Variants in CTF1 observed in about 807,000 individuals in gnomAD.
CTF1 encodes the protein cardiotrophin-1.
In CTF1, 9 loss-of-function variants were observed where a neutral mutation model predicts 10.9. That is an observed-to-expected ratio of 0.83 (90% CI 0.50 to 1.44). CTF1 has a LOEUF of 1.44. CTF1 is among the 40% of genes most tolerant of loss of function. CTF1 has a pLI of 0.00. For missense variants in CTF1, 259 were observed against 275.3 expected (o/e 0.94, Z 0.42); for synonymous variants, 133 against 138.8 (o/e 0.96, Z 0.29).
rs1596639693 is a variant in CTF1 at position 30,902,332 on chromosome 16, C to T, written c.399C>T (p.Gly133=). 8.6e-6 allele frequency: 9 copies of T among 1,044,152 alleles called. No homozygotes were observed. The South Asian group carries it at 3.5e-4, about 41-fold the overall frequency. The allele number at this position is 1,044,152 out of a possible 1,614,324, so 64.7% of individuals were successfully genotyped here. The part of the protein sequence containing the change: ...EDAARQARAL[G]AAVEALLAAL... Reference sequence around the variant, plus strand: ...CGGCGCGCCAGGCCCGGGCCCTGGGCGCCGCCGTGGAGGCCTTGCTGGCCG... The same window carrying T: ...CGGCGCGCCAGGCCCGGGCCCTGGGTGCCGCCGTGGAGGCCTTGCTGGCCG... Residue 133 remains glycine (G), a synonymous_variant, in exon 3 of 3, where the codon GGC becomes GGT. Coordinates refer to ENST00000279804, the MANE Select transcript of CTF1 (RefSeq NM_001330.5).
At chr16:30,899,307 T>C (rs971818604) in intron 1 of CTF1, 108 bp from the exon 2 acceptor site, 5 of 807,666 alleles carry the variant, frequency 6.2e-6, no homozygotes, top group South Asian at 1.3e-5. Context: ...TTTCCTTCAG[T>C]TGGAATGGGA....
chr16:30,902,698 G>C lies in CTF1; in HGVS notation c.*159G>C. ...TTTTGTGGGGGAGAGGGGAGGGGAC[G>C]GGCAGGGTCTCTGTCGCCCAGGCTG... is the stretch of plus-strand genomic sequence containing the variant. On this transcript the variant is annotated 3_prime_UTR_variant, in exon 3 of 3. Transcript: ENST00000279804. 8.7e-7 allele frequency: 1 copy of C among 1,148,838 alleles called. No homozygotes were observed. Among genetic ancestry groups the C allele is most frequent in the South Asian group, 2.1e-5 (1 of 46,670 alleles). The allele number at this position is 1,148,838 out of a possible 1,614,324, so 71.2% of individuals were successfully genotyped here. A position where few individuals can be genotyped will look rare whatever the true frequency, so the allele number is the denominator to read the frequency against.
At chr16:30,896,475 A>C, upstream of CTF1, 1 of 577,428 alleles carries the variant, frequency 1.7e-6, no homozygotes, top group Non-Finnish European at 2.6e-6. Flanking sequence ...CCCACGGACG[A>C]GGAGCTGAGC....
At chr16:30,898,152 C>A (rs962257652) in intron 1 of CTF1, among the ~76,000 whole-genome samples, 7 of 150,700 alleles carry the variant, frequency 4.6e-5, no homozygotes, top group Non-Finnish European at 7.4e-5. Context: ...TGAGCCACTG[C>A]GCCTGGACAA....
Position 30,902,109 on chromosome 16 carries a change from C to T in CTF1, c.176C>T (p.Pro59Leu). The T allele has an allele frequency of 7.0e-7, 1 of 1,418,750 alleles. No individual in the cohort carries two copies. Among genetic ancestry groups the T allele is most frequent in the Non-Finnish European group, 9.2e-7 (1 of 1,083,116 alleles). 87.9% of individuals were successfully genotyped at this position (1,418,750 alleles called of 1,614,324 possible). The change falls in exon 3 of 3, where the codon CCC becomes CTC. Residue 59 changes from proline (P) to leucine (L), a missense_variant. Physicochemically the swap from Pro to Leu is moderately conservative, Grantham distance 98. Transcript: ENST00000279804. ...VQLQGDPFGL[P>L]SFSPPRLPVA... The stretch of plus-strand genomic sequence containing the variant: ...CTCCAGGGAGACCCCTTCGGGCTGC[C>T]CAGCTTCTCGCCGCCGCGGCTGCCG...
In CTF1 at chr16:30,902,433, T is replaced by C; in HGVS notation, c.500T>C (p.Val167Ala). Residue 167 changes from valine to alanine, a missense_variant, in exon 3 of 3, where the codon GTC becomes GCC. Coordinates refer to ENST00000279804, the MANE Select transcript of CTF1 (RefSeq NM_001330.5). ...GCCTCAGCCGCCTCCGCCACCGGGG[T>C]CTTCCCCGCCAAGGTGCTGGGGCTC... ...ATASAASATG[V>A]FPAKVLGLRV... 7.1e-7 allele frequency: 1 copy of C among 1,410,374 alleles called. No individual in the cohort carries two copies. 87.4% of individuals were successfully genotyped at this position (1,410,374 alleles called of 1,614,324 possible).
rs1259362467 is a variant in CTF1 at position 30,902,582 on chromosome 16, G to A, written c.*43G>A. On this transcript the variant is annotated 3_prime_UTR_variant, in exon 3 of 3. Transcript: ENST00000279804. ...GCCCCGCCTCCTCCCGCTGGGTTCC[G>A]TCTCTCCTTCCGCTTCTTTGTCTTT... 9 of 1,480,924 alleles carry A rather than the reference G, an allele frequency of 6.1e-6. No homozygotes were observed. Among genetic ancestry groups the A allele is most frequent in the East Asian group, 2.8e-5 (1 of 35,816 alleles). 91.7% of individuals were successfully genotyped at this position (1,480,924 alleles called of 1,614,324 possible).
rs1266934520 is a variant in CTF1, at chr16:30,902,356, C to T, written c.423C>T (p.Ala141=). 3.5e-6 allele frequency: 4 copies of T among 1,153,672 alleles called. No individual in the cohort carries two copies. The highest frequency in any genetic ancestry group is 4.3e-6 in the Non-Finnish European group (4 of 940,888). The allele number at this position is 1,153,672 out of a possible 1,614,324, so 71.5% of individuals were successfully genotyped here. The change falls in exon 3 of 3, where the codon GCC becomes GCT. Residue 141 remains alanine (A), a synonymous_variant. Coordinates refer to ENST00000279804, the MANE Select transcript of CTF1 (RefSeq NM_001330.5). ...GCGCCGCCGTGGAGGCCTTGCTGGCCGCGCTGGGCGCCGCCAACCGCGGGC... is the reference window on the plus strand; with the variant it reads ...GCGCCGCCGTGGAGGCCTTGCTGGCTGCGCTGGGCGCCGCCAACCGCGGGC... The part of the protein sequence containing the change: ...ALGAAVEALL[A]ALGAANRGPR...
rs775880426 is a variant in CTF1, at chr16:30,899,565, G to A, written c.144+32G>A. 11 of 918,986 alleles carry A rather than the reference G, an allele frequency of 1.2e-5. No individual in the cohort carries two copies. In the Admixed American group the frequency reaches 2.1e-4, roughly 17 times the overall value. The allele number at this position is 918,986 out of a possible 1,614,324, so 56.9% of individuals were successfully genotyped here. A position where few individuals can be genotyped will look rare whatever the true frequency, so the allele number is the denominator to read the frequency against. On this transcript the variant is annotated intron_variant, in intron 2 of 2. Transcript: ENST00000279804. ...GGGAATGGGGGTGGGGGTGCCGGGG[G>A]CCTGGGGAATGGGAGCAGACATCAC...
Position 30,902,521 on chromosome 16 carries a change from G to T in CTF1, c.588G>T (p.Leu196=), listed in dbSNP as rs761082716. The change falls in exon 3 of 3, where the codon CTG becomes CTT. Residue 196 remains leucine, a synonymous_variant. Transcript: ENST00000279804. ...CCGAGGGCGACCTGGGCCAGCTGCTGCCCGGGGGCTCGGCCTGAGCGCCGC... is the reference window on the plus strand; with the variant it reads ...CCGAGGGCGACCTGGGCCAGCTGCTTCCCGGGGGCTCGGCCTGAGCGCCGC... The part of the protein sequence containing the change: ...SRTEGDLGQL[L]PGGSA 1.5e-5 allele frequency: 22 copies of T among 1,496,216 alleles called. No homozygotes were observed. The East Asian group carries it at 4.7e-4, about 32-fold the overall frequency. 92.7% of individuals were successfully genotyped at this position (1,496,216 alleles called of 1,614,324 possible).
Position 30,902,658 on chromosome 16 carries a change from T to A in CTF1, c.*119T>A. 1.5e-6 allele frequency: 2 copies of A among 1,301,598 alleles called. No homozygotes were observed. The highest frequency in any genetic ancestry group is 2.0e-6 in the Non-Finnish European group (2 of 1,015,266). 80.6% of individuals were successfully genotyped at this position (1,301,598 alleles called of 1,614,324 possible). On this transcript the variant is annotated 3_prime_UTR_variant, in exon 3 of 3. Coordinates refer to ENST00000279804, the MANE Select transcript of CTF1 (RefSeq NM_001330.5). ...TCTGCTCTTAGCTGTCTCCATTGCC[T>A]CGGCCTTCTTTGCTTTTTGTGGGGG...
rs982347034 is a variant in CTF1 at position 30,896,677 on chromosome 16, C to CT, written c.25+10dup. On this transcript the variant is annotated intron_variant, in intron 1 of 2. Coordinates refer to ENST00000279804, the MANE Select transcript of CTF1 (RefSeq NM_001330.5). ...GAGGGAGGGAAGTCTGGGTAAGGGG[C>CT]TGAGGGACCGGACGCCGGGTCGCTG... is the stretch of plus-strand genomic sequence containing the variant. 4.5e-5 allele frequency: 56 copies of CT among 1,252,826 alleles called. No homozygotes were observed. The African/African-American group carries it at 7.4e-4, about 17-fold the overall frequency. The allele number at this position is 1,252,826 out of a possible 1,614,324, so 77.6% of individuals were successfully genotyped here.
At chr16:30,899,022 T>C (rs932942870) in intron 1 of CTF1, among the ~76,000 whole-genome samples, 2 of 152,214 alleles carry the variant, frequency 1.3e-5, no homozygotes, top group African/African-American at 4.8e-5. Context: ...TGTAACATGC[T>C]GTCCAGGTCT....
Position 30,899,469 on chromosome 16 carries a change from T to G in CTF1, c.80T>G (p.Ile27Ser). The G allele has an allele frequency of 6.2e-7, 1 of 1,607,082 alleles. No homozygotes were observed. The highest frequency in any genetic ancestry group is 1.3e-5 in the African/African-American group (1 of 74,180). ...CTTCTTCCCCACTTGGAGGCCAAGA[T>G]CCGTCAGACACACAGCCTTGCGCAC... The part of the protein sequence containing the change: ...VSLLPHLEAK[I>S]RQTHSLAHLL... The change falls in exon 2 of 3, where the codon ATC becomes AGC. Residue 27 changes from isoleucine to serine, a missense_variant. Ile to Ser is a moderately radical substitution (Grantham distance 142). Coordinates refer to ENST00000279804, the MANE Select transcript of CTF1 (RefSeq NM_001330.5).
chr16:30,902,282 C>T lies in CTF1; in HGVS notation c.349C>T (p.Arg117Cys), dbSNP rs1399834790. ...GGCCGAGCTGAACCCGCGCGCGCCGCGCCTGCTGCGCCGCCTGGAGGACGC... is the reference window on the plus strand; with the variant it reads ...GGCCGAGCTGAACCCGCGCGCGCCGTGCCTGCTGCGCCGCCTGGAGGACGC... ...RQAELNPRAP[R>C]LLRRLEDAAR... is the part of the protein sequence containing the mutation. The change falls in exon 3 of 3, where the codon CGC (arginine) becomes TGC (cysteine). Residue 117 changes from arginine (R) to cysteine (C), a missense_variant. Coordinates refer to ENST00000279804, the MANE Select transcript of CTF1 (RefSeq NM_001330.5). 9.8e-7 allele frequency: 1 copy of T among 1,021,536 alleles called. No homozygotes were observed. The allele number at this position is 1,021,536 out of a possible 1,614,324, so 63.3% of individuals were successfully genotyped here. A position where few individuals can be genotyped will look rare whatever the true frequency, so the allele number is the denominator to read the frequency against.
In CTF1 at chr16:30,897,403, T is replaced by C. The variant is rs189600898; in HGVS notation, c.25+735T>C. Among the ~76,000 whole-genome samples, 41 of 152,242 alleles carry C rather than the reference T, an allele frequency of 2.7e-4. No homozygotes were observed. The East Asian group carries it at 6.8e-3, about 25-fold the overall frequency. ...GATGTTGAAGTCCACTAGCAGTCAC[T>C]GAGGTAGAAATATGTAAGCCCTGTC... is the stretch of plus-strand genomic sequence containing the variant. On this transcript the variant is annotated intron_variant, in intron 1 of 2. Coordinates refer to ENST00000279804, the MANE Select transcript of CTF1 (RefSeq NM_001330.5).
upstream of CTF1, chr16:30,896,537 G>T: frequency 9.8e-7 from 1 of 1,016,918 alleles, no homozygotes; most frequent in Non-Finnish European, 1.3e-6. Context: ...AAATGTTTGG[G>T]GTCTGGGCTC....
At chr16:30,897,784 G>C (rs1464407277) in intron 1 of CTF1, among the ~76,000 whole-genome samples, 2 of 152,282 alleles carry the variant, frequency 1.3e-5, no homozygotes, top group Admixed American at 1.3e-4. Context: ...GAGCCCAGGA[G>C]GTCGAGGCTG....
rs758413812 is a variant in CTF1, at chr16:30,899,578, G to A, written c.144+45G>A. 3.8e-6 allele frequency: 4 copies of A among 1,058,446 alleles called. No homozygotes were observed. In the South Asian group the frequency reaches 4.1e-5, roughly 11 times the overall value. The allele number at this position is 1,058,446 out of a possible 1,614,324, so 65.6% of individuals were successfully genotyped here. A position where few individuals can be genotyped will look rare whatever the true frequency, so the allele number is the denominator to read the frequency against. ...GGGGTGCCGGGGGCCTGGGGAATGG[G>A]AGCAGACATCACAGAGGTCCTCGAT... On this transcript the variant is annotated intron_variant, in intron 2 of 2. Transcript: ENST00000279804.
Sources: allele counts gnomAD v4.1 joint callset (sites outside exome capture counted in the v4.1 genomes callset), GRCh38; gene constraint gnomAD v4.1.1; transcripts MANE v1.5; gene names NCBI Gene and HGNC (gene_info 2026-07-23, HGNC 2026-07-21).